The following ATP8A2 variants were observed in gnomAD, a reference collection of about 807,000 sequenced individuals.
The protein encoded by ATP8A2 is phospholipid-transporting ATPase IB.
Under a neutral mutation model 165.6 loss-of-function variants are expected in ATP8A2, and 100 were observed. That is an observed-to-expected ratio of 0.60 (90% confidence interval 0.51 to 0.71). ATP8A2 has a LOEUF of 0.71. ATP8A2 is among the 30% of genes least tolerant of loss of function. The pLI is 0.00. For missense variants in ATP8A2, 1,227 were observed against 1,479.5 expected (o/e 0.83, Z 2.80); for synonymous variants, 543 against 548.8 (o/e 0.99, Z 0.15).
At chr13:25,575,271 C>T (rs1246668098) in intron 19 of ATP8A2, among the ~76,000 whole-genome samples, 3 of 152,178 alleles carry the variant, frequency 2.0e-5, no homozygotes, top group Non-Finnish European at 4.4e-5. Context: ...CAAATGATGA[C>T]AGATGAGATC....
intron 28 of ATP8A2, among the ~76,000 whole-genome samples, chr13:25,829,738 G>C (rs766373483): frequency 8.1e-6 from 1 of 124,068 alleles, no homozygotes; most frequent in African/African-American, 3.1e-5. Context: ...CTTATAGTAT[G>C]AGTGGATTTT....
At chr13:25,924,404 A>G (rs1440786592) in intron 33 of ATP8A2, among the ~76,000 whole-genome samples, 1 of 152,014 alleles carries the variant, frequency 6.6e-6, no homozygotes, top group Non-Finnish European at 1.5e-5. Flanking sequence ...TTTTTTTGGC[A>G]ATCTTCTGCA....
chr13:25,758,436 G>A (rs2044309686), intron 25 of ATP8A2, among the ~76,000 whole-genome samples: 1 of 152,282 alleles, frequency 6.6e-6, no homozygotes, highest in South Asian at 2.1e-4. Context: ...GAAGCACATA[G>A]CCAACCACAT....
chr13:25,542,275 C>T (rs749474249), intron 9 of ATP8A2, among the ~76,000 whole-genome samples: 1 of 152,104 alleles, frequency 6.6e-6, no homozygotes, highest in Non-Finnish European at 1.5e-5. Flanking sequence ...TACTCTCTGC[C>T]AGGCAGGAGA....
intron 28 of ATP8A2, among the ~76,000 whole-genome samples, chr13:25,830,353 A>T (rs1222414258): frequency 6.6e-6 from 1 of 152,046 alleles, no homozygotes; most frequent in African/African-American, 2.4e-5. Flanking sequence ...ATTATATTTT[A>T]TGCAGTTTTT....
chr13:25,632,637 C>T (rs757746954), intron 24 of ATP8A2, among the ~76,000 whole-genome samples: 9 of 152,144 alleles, frequency 5.9e-5, no homozygotes, highest in Non-Finnish European at 7.4e-5. Context: ...GATTGGCTTC[C>T]GCTGGCCTTG....
In ATP8A2 at chr13:25,372,079, C is replaced by T. The variant is rs1191929195; in HGVS notation, c.-134C>T. On this transcript the variant is annotated 5_prime_UTR_variant, in exon 1 of 37. Coordinates refer to ENST00000381655, the MANE Select transcript of ATP8A2 (RefSeq NM_016529.6). This position sits in a 1 kb window ranked among gnomAD's most constrained non-coding sequence, Gnocchi z 4.8. ...CTCGGGCGCGGCCCGGCACAGGCGCCGGCGGTCCCCGCCAGCTAGCAGCCC... is the reference window on the plus strand; with the variant it reads ...CTCGGGCGCGGCCCGGCACAGGCGCTGGCGGTCCCCGCCAGCTAGCAGCCC... 3.9e-6 allele frequency: 2 copies of T among 513,368 alleles called. No individual in the cohort carries two copies. Among genetic ancestry groups the T allele is most frequent in the East Asian group, 9.1e-5 (2 of 22,010 alleles). 31.8% of individuals were successfully genotyped at this position (513,368 alleles called of 1,614,324 possible). A position where few individuals can be genotyped will look rare whatever the true frequency, so the allele number is the denominator to read the frequency against.
Position 25,528,821 on chromosome 13 carries a change from CACACAT to C in ATP8A2, c.222-1176_222-1171del, listed in dbSNP as rs1232640393. Among the ~76,000 whole-genome samples, 3 of 69,856 alleles carry C rather than the reference CACACAT, an allele frequency of 4.3e-5. 1 individual carries two copies. Among genetic ancestry groups the C allele is most frequent in the African/African-American group, 1.4e-4 (3 of 22,036 alleles). 45.8% of individuals were successfully genotyped at this position (69,856 alleles called of 152,430 possible). On this transcript the variant is annotated intron_variant, in intron 2 of 36. Coordinates refer to ENST00000381655, the MANE Select transcript of ATP8A2 (RefSeq NM_016529.6). ...TGCACACATATGCAACATGTGTATGCACACATATGCAACATGTGTATGCACACATAT... is the reference window on the plus strand; with the variant it reads ...TGCACACATATGCAACATGTGTATGCATGCAACATGTGTATGCACACATAT...
chr13:25,520,906 G>GC (rs1353549437), intron 2 of ATP8A2, among the ~76,000 whole-genome samples: 1 of 152,150 alleles, frequency 6.6e-6, no homozygotes. Context: ...GAGCCACCGT[G>GC]CCGGCCCTAT....
intron 1 of ATP8A2, among the ~76,000 whole-genome samples, chr13:25,444,542 C>T (rs1264469698): frequency 2.0e-5 from 3 of 152,042 alleles, no homozygotes; most frequent in Non-Finnish European, 2.9e-5. Flanking sequence ...TGAGGAGTTG[C>T]TCTTCTTTTT....
intron 35 of ATP8A2, among the ~76,000 whole-genome samples, chr13:26,009,389 A>G (rs966015754): frequency 3.9e-5 from 6 of 152,218 alleles, no homozygotes; most frequent in African/African-American, 1.4e-4. Context: ...TCCATGCTTC[A>G]GAACCCCAGC....
chr13:25,382,024 A>T lies in ATP8A2; in HGVS notation c.76+9736A>T, dbSNP rs116666077. Among the ~76,000 whole-genome samples the T allele has an allele frequency of 6.2e-3, 938 of 152,236 alleles. 10 individuals carry two copies. The highest frequency in any genetic ancestry group is 0.022 in the African/African-American group (902 of 41,532). On this transcript the variant is annotated intron_variant, in intron 1 of 36. Transcript: ENST00000381655. Reference sequence around the variant, plus strand: ...AATGTATAATGGCATGTATCCCCCAATGTGGTATCATACAGAAGAGTTTCA... The same window carrying T: ...AATGTATAATGGCATGTATCCCCCATTGTGGTATCATACAGAAGAGTTTCA...
intron 33 of ATP8A2, among the ~76,000 whole-genome samples, chr13:25,924,465 C>T (rs1368015483): frequency 2.0e-5 from 3 of 152,084 alleles, no homozygotes; most frequent in Admixed American, 6.5e-5. Context: ...TCTTCACGTG[C>T]GGGCCTTCCT....
At chr13:25,936,302 G>A (rs1954887319) in intron 33 of ATP8A2, among the ~76,000 whole-genome samples, 1 of 152,200 alleles carries the variant, frequency 6.6e-6, no homozygotes, top group South Asian at 2.1e-4. Context: ...ACGTTGGTCA[G>A]CACTGGACAC....
chr13:25,930,049 A>G (rs1371942248), intron 33 of ATP8A2, among the ~76,000 whole-genome samples: 1 of 152,052 alleles, frequency 6.6e-6, no homozygotes, highest in Non-Finnish European at 1.5e-5. Context: ...CTCCTTGCAC[A>G]ACGTGGGGCT....
chr13:25,791,762 C>A (rs981732916), intron 27 of ATP8A2, among the ~76,000 whole-genome samples: 4 of 152,164 alleles, frequency 2.6e-5, no homozygotes, highest in Non-Finnish European at 4.4e-5. Context: ...GAACAAGCAA[C>A]AATGACATGT....
At chr13:25,912,193 CACAG>C (rs1287507491) in intron 33 of ATP8A2, among the ~76,000 whole-genome samples, 2,890 of 122,940 alleles carry the variant, frequency 0.024, 85 homozygotes, top group African/African-American at 0.1. Context: ...CACACACACA[CACAG>C]TGGAATAGTC....
rs576626617 is a variant in ATP8A2 at position 25,437,814 on chromosome 13, G to A, written c.77-31163G>A. On this transcript the variant is annotated intron_variant, in intron 1 of 36. Coordinates refer to ENST00000381655, the MANE Select transcript of ATP8A2 (RefSeq NM_016529.6). ...GAAAGGGTGAGAGCATGTATACGCT[G>A]CTTTGGAGAAGGAGTCAGACAAATT... is the stretch of plus-strand genomic sequence containing the variant. Among the ~76,000 whole-genome samples the A allele has an allele frequency of 7.2e-5, 11 of 152,304 alleles. No individual in the cohort carries two copies. In the East Asian group the frequency reaches 2.1e-3, roughly 29 times the overall value.
At chr13:25,616,888 C>A (rs2040840974) in intron 24 of ATP8A2, among the ~76,000 whole-genome samples, 1 of 152,094 alleles carries the variant, frequency 6.6e-6, no homozygotes, top group African/African-American at 2.4e-5. Flanking sequence ...AATAACAGCC[C>A]TTTGACACGT....
Sources: allele counts gnomAD v4.1 joint callset (sites outside exome capture counted in the v4.1 genomes callset), GRCh38; gene constraint gnomAD v4.1.1; non-coding constraint Gnocchi (gnomAD v3.1); transcripts MANE v1.5; gene names NCBI Gene and HGNC (gene_info 2026-07-23, HGNC 2026-07-21).